The following PRC1 variants were observed in gnomAD, a reference collection of about 807,000 sequenced individuals.
The protein encoded by PRC1 is protein regulator of cytokinesis 1, also known as anaphase spindle elongation 1 homolog.
Under a neutral mutation model 91.2 loss-of-function variants are expected in PRC1, and 54 were observed. That is an observed-to-expected ratio of 0.59 (90% CI 0.48 to 0.74). The LOEUF (loss-of-function observed/expected upper bound fraction) is 0.74. PRC1 is among the 30% of genes least tolerant of loss of function. The pLI is 0.00. For missense variants in PRC1, 727 were observed against 746.2 expected, an observed-to-expected ratio of 0.97 and a Z score of 0.30; for synonymous variants, 275 against 263.6, an observed-to-expected ratio of 1.04 and a Z score of -0.42.
intron 9 of PRC1, among the ~76,000 whole-genome samples, chr15:90,975,804 C>T (rs749289676): frequency 1.2e-4 from 18 of 152,022 alleles, no homozygotes; most frequent in African/African-American, 1.9e-4. Flanking sequence ...GTCAACACAG[C>T]GAGACCCCAT....
chr15:90,970,324 C>G (rs1368622866), intron 12 of PRC1, 80 bp downstream of exon 12: 2 of 1,043,224 alleles, frequency 1.9e-6, no homozygotes, highest in Non-Finnish European at 2.9e-6. Context: ...ATCTTAGAAT[C>G]TAGAACAAGT....
At chr15:90,967,935 ACCAATCCCTGGGGCTGAGG>A in intron 14 of PRC1, 2 of 985,388 alleles carry the variant, frequency 2.0e-6, no homozygotes, top group Non-Finnish European at 2.4e-6. Context: ...ACATATATCT[ACCAATCCCTGGGGCTGAGG>A]CCTTGTAACC....
chr15:90,980,702 C>T (rs907815401), intron 6 of PRC1, among the ~76,000 whole-genome samples, 182 bp downstream of exon 6: 2 of 151,802 alleles, frequency 1.3e-5, no homozygotes. Context: ...TACAGGGTTT[C>T]GCCATGTTGT....
intron 1 of PRC1, among the ~76,000 whole-genome samples, chr15:90,989,412 A>ATTTTTTTTTTTTTTTTTTTT (rs58512103): frequency 8.4e-6 from 1 of 118,486 alleles, no homozygotes; most frequent in Non-Finnish European, 1.7e-5. Context: ...TGCTTGGCTA[A>ATTTTTTTTTTTTTTTTTTTT]TTTTTTTTTT....
chr15:90,970,947 TGAATATTG>T (rs2038065384), intron 11 of PRC1, among the ~76,000 whole-genome samples: 1 of 152,226 alleles, frequency 6.6e-6, no homozygotes, highest in Non-Finnish European at 1.5e-5. Context: ...TACAGTGGAA[TGAATATTG>T]ATCTACAATA....
At chr15:90,981,204 A>C in intron 5 of PRC1, 171 bp from the exon 6 acceptor site, 1 of 880,990 alleles carries the variant, frequency 1.1e-6, no homozygotes, top group Non-Finnish European at 1.7e-6. Flanking sequence ...TCGGGATCTC[A>C]GACCCCAAGA....
In PRC1 at chr15:90,970,409, T is replaced by C; in HGVS notation, c.1567A>G (p.Ser523Gly). The change falls in exon 12 of 15, where the codon AGC becomes GGC. Residue 523 changes from serine to glycine, a missense_variant. By Grantham distance (56) the Ser-to-Gly change is moderately conservative. Transcript: ENST00000394249. The part of the protein sequence containing the change: ...SPVSRLPPSG[S>G]KPVAASTCSG... ...TAGACACAGGGCATACTAACCTTGC[T>C]GCCAGAAGGAGGAAGTCGAGACACG... The C allele has an allele frequency of 6.2e-7, 1 of 1,600,298 alleles. No individual in the cohort carries two copies. The highest frequency in any genetic ancestry group is 8.6e-7 in the Non-Finnish European group (1 of 1,167,488).
At chr15:90,994,180 A>G (rs1201220657) in intron 1 of PRC1, among the ~76,000 whole-genome samples, 1 of 151,942 alleles carries the variant, frequency 6.6e-6, no homozygotes, top group African/African-American at 2.4e-5. Flanking sequence ...GCCTGCGGGC[A>G]CCTGCGGCCG....
At chr15:90,969,898 C>CA (rs1381230682) in intron 12 of PRC1, among the ~76,000 whole-genome samples, 3 of 151,420 alleles carry the variant, frequency 2.0e-5, no homozygotes, top group African/African-American at 7.3e-5. Flanking sequence ...GCCTGGGCAA[C>CA]ATAGCAAAAC....
intron 9 of PRC1, among the ~76,000 whole-genome samples, chr15:90,975,126 G>C (rs955789953): frequency 4.6e-5 from 7 of 152,012 alleles, no homozygotes; most frequent in African/African-American, 1.7e-4. Context: ...CATTTTTTTT[G>C]AGACAGTCTC....
At chr15:90,991,199 T>C (rs1433561095) in intron 1 of PRC1, among the ~76,000 whole-genome samples, 2 of 151,640 alleles carry the variant, frequency 1.3e-5, no homozygotes, top group African/African-American at 2.4e-5. Context: ...GCGGATCACC[T>C]GAGATCAGGA....
At position 90,976,868 on chromosome 15, in the gene PRC1, C is replaced by T. The variant is rs1412557277; in HGVS notation, c.1108-97G>A. 33 of 1,025,058 alleles carry T rather than the reference C, an allele frequency of 3.2e-5. No individual in the cohort carries two copies. The South Asian group carries it at 3.4e-4, about 10-fold the overall frequency. The allele number at this position is 1,025,058 out of a possible 1,614,324, so 63.5% of individuals were successfully genotyped here. A position where few individuals can be genotyped will look rare whatever the true frequency, so the allele number is the denominator to read the frequency against. On this transcript the variant is annotated intron_variant, in intron 8 of 14. Coordinates refer to ENST00000394249, the MANE Select transcript of PRC1 (RefSeq NM_003981.4). ...TGTTCTCGCCAGGCGTGGTGACTCA[C>T]ACCTGTAATCCCAGCACTTTGGGAG...
intron 14 of PRC1, chr15:90,968,033 G>C (rs1158537511): frequency 2.0e-6 from 2 of 985,040 alleles, no homozygotes; most frequent in Non-Finnish European, 1.2e-6. Context: ...AATGGCTATT[G>C]AGAAAGACAG....
intron 8 of PRC1, among the ~76,000 whole-genome samples, chr15:90,977,721 C>A (rs2151503222): frequency 6.6e-6 from 1 of 151,756 alleles, no homozygotes; most frequent in South Asian, 2.1e-4. Context: ...GTAGCTGGGA[C>A]TACAAGTGCC....
rs749385936 is a variant in PRC1, at chr15:90,979,253, T to C, written c.1012A>G (p.Ile338Val). 47 of 1,614,076 alleles carry C rather than the reference T, an allele frequency of 2.9e-5. No individual in the cohort carries two copies. The South Asian group carries it at 5.2e-4, about 18-fold the overall frequency. The change falls in exon 8 of 15, where the codon ATT becomes GTT. Residue 338 changes from isoleucine (I) to valine (V), a missense_variant. Ile to Val is a conservative substitution (Grantham distance 29). Transcript: ENST00000394249. Reference sequence around the variant, plus strand: ...TCATAGTAGTTTTTTAACCGCACAATCTCAGCATCGTGGAGCTGGAGCAGA... The same window carrying C: ...TCATAGTAGTTTTTTAACCGCACAACCTCAGCATCGTGGAGCTGGAGCAGA... ...ESLLQLHDAE[I>V]VRLKNYYEVH...
chr15:90,969,460 T>A lies in PRC1; in HGVS notation c.1736A>T (p.Tyr579Phe). The A allele has an allele frequency of 6.2e-7, 1 of 1,602,794 alleles. No homozygotes were observed. Residue 579 changes from tyrosine (Y) to phenylalanine (F), a missense_variant, in exon 13 of 15, where the codon TAT becomes TTT. Transcript: ENST00000394249. ...NFSINSVAST[Y>F]SEFAKDPSLS... ...AAGGTGAATTACCGCAAACTCAGAA[T>A]AGGTGCTGGCAACAGAATTAATGCT...
chr15:90,991,099 T>C (rs1212337880), intron 1 of PRC1, among the ~76,000 whole-genome samples: 5 of 151,734 alleles, frequency 3.3e-5, no homozygotes, highest in Non-Finnish European at 7.4e-5. Context: ...TGTTTTTGAT[T>C]TGTGACTTAA....
chr15:90,986,592 T>C (rs1469496271), intron 1 of PRC1, among the ~76,000 whole-genome samples: 7 of 152,148 alleles, frequency 4.6e-5, no homozygotes, highest in Admixed American at 4.6e-4. Flanking sequence ...GAGCCAAGAT[T>C]GTACCACTGT....
rs561533637 is a variant in PRC1, at chr15:90,974,717, C to T, written c.1218G>A (p.Leu406=). The T allele has an allele frequency of 8.1e-6, 13 of 1,614,230 alleles. No homozygotes were observed. The South Asian group carries it at 1.3e-4, about 16-fold the overall frequency. Residue 406 remains leucine, a synonymous_variant, in exon 10 of 15, where the codon TTG becomes TTA. Coordinates refer to ENST00000394249, the MANE Select transcript of PRC1 (RefSeq NM_003981.4). This position sits in a 1 kb window ranked among gnomAD's most constrained non-coding sequence, Gnocchi z 4.6. ...GTTCCCACAATTCAATTCGTGCCTT[C>T]AACTCTTCTTCCAGCTGAGACCAGA... is the stretch of plus-strand genomic sequence containing the variant. The part of the protein sequence containing the change: ...QKMLPKLEEE[L]KARIELWEQE...
Sources: gnomAD v4.1 joint callset for allele counts (sites outside exome capture counted in the v4.1 genomes callset) on GRCh38, gnomAD v4.1.1 for gene constraint, Gnocchi (gnomAD v3.1) non-coding constraint, MANE v1.5 for transcripts, NCBI Gene and HGNC (gene_info 2026-07-23, HGNC 2026-07-21) for gene names.